Variants in SLC22A5 observed in about 807,000 individuals in gnomAD.
SLC22A5 encodes organic cation/carnitine transporter 2.
In SLC22A5, 44 loss-of-function variants were observed where a neutral mutation model predicts 56.7. The ratio of observed to expected loss-of-function variants is 0.78; its 90% CI spans 0.61 to 1.00. The LOEUF is 1.00. SLC22A5 is among the 50% of genes least tolerant of loss of function. The probability of loss-of-function intolerance (pLI) is 0.00; values close to 1 mark genes in which losing one functional copy is unlikely to be tolerated. For missense variants in SLC22A5, 675 were observed against 723.0 expected (o/e 0.93, Z 0.76); for synonymous variants, 278 against 292.1 (o/e 0.95, Z 0.49).
chr5:132,378,399 G>A lies in SLC22A5; in HGVS notation c.415G>A (p.Asp139Asn), dbSNP rs577131769. 55 of 1,614,184 alleles carry A rather than the reference G, an allele frequency of 3.4e-5. No individual in the cohort carries two copies. In the East Asian group the frequency reaches 8.0e-4, roughly 24 times the overall value. The change falls in exon 2 of 10, where the codon GAC becomes AAC. Residue 139 changes from aspartate (D) to asparagine (N), a missense_variant. Asp to Asn is a conservative substitution (Grantham distance 23). Coordinates refer to ENST00000245407, the MANE Select transcript of SLC22A5 (RefSeq NM_003060.4). ...GCAGTGGAACCTGGTGTGTGAGGAC[G>A]ACTGGAAGGCCCCACTCACAATCTC... The part of the protein sequence containing the change: ...VTEWNLVCED[D>N]WKAPLTISLF...
rs564958389 is a variant in SLC22A5, at chr5:132,395,183, G to T, written c.*911G>T. 5 of 151,412 alleles carry T rather than the reference G, an allele frequency of 3.3e-5. No individual in the cohort carries two copies. The highest frequency in any genetic ancestry group is 7.4e-5 in the Non-Finnish European group (5 of 67,856). The allele number at this position is 151,412 out of a possible 1,614,324, so 9.4% of individuals were successfully genotyped here. A position where few individuals can be genotyped will look rare whatever the true frequency, so the allele number is the denominator to read the frequency against. ...GCCCTTCAGAATGCACTTGGGAAAGGCTGGTTCCTTAGCCTCCTGGTTTGT... is the reference window on the plus strand; with the variant it reads ...GCCCTTCAGAATGCACTTGGGAAAGTCTGGTTCCTTAGCCTCCTGGTTTGT... On this transcript the variant is annotated 3_prime_UTR_variant, in exon 10 of 10. Coordinates refer to ENST00000245407, the MANE Select transcript of SLC22A5 (RefSeq NM_003060.4).
chr5:132,374,771 AAT>A (rs1752075202), intron 1 of SLC22A5, among the ~76,000 whole-genome samples: 1 of 146,660 alleles, frequency 6.8e-6, no homozygotes, highest in African/African-American at 2.5e-5. Flanking sequence ...AAAAAAAAAA[AAT>A]GGCCAGGTGT....
rs1018330141 is a variant in SLC22A5 at position 132,370,359 on chromosome 5, G to C, written c.387G>C (p.Val129=). 6.2e-7 allele frequency: 1 copy of C among 1,612,122 alleles called. No homozygotes were observed. The highest frequency in any genetic ancestry group is 8.5e-7 in the Non-Finnish European group (1 of 1,179,710). Reference sequence around the variant, plus strand: ...AGGACGTCTACCTGTCCACCATTGTGACCGAGGTGGGTGCCGGCCCCTGCT... The same window carrying C: ...AGGACGTCTACCTGTCCACCATTGTCACCGAGGTGGGTGCCGGCCCCTGCT... ...FSQDVYLSTI[V]TEWNLVCEDD... Residue 129 remains valine, a synonymous_variant, in exon 1 of 10, where the codon GTG becomes GTC. Transcript: ENST00000245407.
rs746187344 is a variant in SLC22A5, at chr5:132,390,776, C to T, written c.1139C>T (p.Ala380Val). Reference sequence around the variant, plus strand: ...ATCTTTGTGAACTGCTTCCTTTCAGCGATGGTTGAAGTCCCAGCATATGTG... The same window carrying T: ...ATCTTTGTGAACTGCTTCCTTTCAGTGATGGTTGAAGTCCCAGCATATGTG... ...GDIFVNCFLS[A>V]MVEVPAYVLA... The change falls in exon 7 of 10, where the codon GCG (alanine) becomes GTG (valine). Residue 380 changes from alanine (A) to valine (V), a missense_variant. Ala to Val is a moderately conservative substitution (Grantham distance 64). Transcript: ENST00000245407. 6.8e-6 allele frequency: 11 copies of T among 1,614,080 alleles called. No homozygotes were observed. The highest frequency in any genetic ancestry group is 4.4e-5 in the South Asian group (4 of 91,090).
intron 1 of SLC22A5, among the ~76,000 whole-genome samples, chr5:132,373,424 T>C (rs1752011252): frequency 6.6e-6 from 1 of 152,072 alleles, no homozygotes; most frequent in Admixed American, 6.5e-5. Context: ...TCACTTGAGG[T>C]CGGGAGTTCA....
At chr5:132,377,858 CGGGGGTCATTGG>C in intron 1 of SLC22A5, 1 of 377,648 alleles carries the variant, frequency 2.6e-6, no homozygotes. Context: ...AAAAAGGACC[CGGGGGTCATTGG>C]CCCAGGGTGG....
intron 7 of SLC22A5, 78 bp downstream of exon 7, chr5:132,390,982 GA>G: frequency 8.2e-7 from 1 of 1,215,870 alleles, no homozygotes; most frequent in Non-Finnish European, 1.2e-6. Context: ...AATTAATAAA[GA>G]GAATAAAATC....
chr5:132,378,824 T>A (rs1752244580), intron 2 of SLC22A5: 1 of 368,206 alleles, frequency 2.7e-6, no homozygotes, highest in African/African-American at 2.1e-5. Context: ...GAGGTTGACA[T>A]CATGCACACA....
At chr5:132,374,149 A>G (rs1172361888) in intron 1 of SLC22A5, among the ~76,000 whole-genome samples, 1 of 151,592 alleles carries the variant, frequency 6.6e-6, no homozygotes, top group Non-Finnish European at 1.5e-5. Flanking sequence ...GAACCTGGGA[A>G]GTGGGGGTTG....
chr5:132,387,089 A>G lies in SLC22A5; in HGVS notation c.889A>G (p.Ile297Val), dbSNP rs749545267. The G allele has an allele frequency of 6.2e-7, 1 of 1,614,140 alleles. No individual in the cohort carries two copies. The highest frequency in any genetic ancestry group is 1.1e-5 in the South Asian group (1 of 91,084). Residue 297 changes from isoleucine to valine, a missense_variant, in exon 5 of 10, where the codon ATC (isoleucine) becomes GTC (valine). Transcript: ENST00000245407. ...QGRFEEAEVI[I>V]RKAAKANGIV... ...ACGATTTGAAGAGGCAGAGGTGATC[A>G]TCCGCAAGGCTGCCAAAGCCAATGG...
intron 9 of SLC22A5, among the ~76,000 whole-genome samples, 160 bp from the exon 10 acceptor site, chr5:132,394,025 G>A (rs1752794513): frequency 6.6e-6 from 1 of 152,232 alleles, no homozygotes; most frequent in Non-Finnish European, 1.5e-5. Flanking sequence ...CATCTCCATG[G>A]CAGTAGCCGC....
rs1385566687 is a variant in SLC22A5 at position 132,395,396 on chromosome 5, CA to C, written c.*1125del. 5.2e-5 allele frequency: 8 copies of C among 152,674 alleles called. No individual in the cohort carries two copies. Among genetic ancestry groups the C allele is most frequent in the Admixed American group, 5.2e-4 (8 of 15,272 alleles). The allele number at this position is 152,674 out of a possible 1,614,324, so 9.5% of individuals were successfully genotyped here. A position where few individuals can be genotyped will look rare whatever the true frequency, so the allele number is the denominator to read the frequency against. On this transcript the variant is annotated 3_prime_UTR_variant, in exon 10 of 10. Coordinates refer to ENST00000245407, the MANE Select transcript of SLC22A5 (RefSeq NM_003060.4). ...ACAAAAAAGAAATTTAAATTGTGTT[CA>C]TAGTCTTTCAGAGTAGCTCACTTTA...
Position 132,392,528 on chromosome 5 carries a change from C to G in SLC22A5, c.1363C>G (p.Pro455Ala). The G allele has an allele frequency of 6.2e-7, 1 of 1,614,062 alleles. No homozygotes were observed. The highest frequency in any genetic ancestry group is 8.5e-7 in the Non-Finnish European group (1 of 1,179,956). ...CTACGTGTACACAGCCGAGCTGTAT[C>G]CCACAGTGGTGAGAAACATGGGTGT... The part of the protein sequence containing the change: ...MVYVYTAELY[P>A]TVVRNMGVGV... Residue 455 changes from proline (P) to alanine (A), a missense_variant, in exon 8 of 10, where the codon CCC (proline) becomes GCC (alanine). Coordinates refer to ENST00000245407, the MANE Select transcript of SLC22A5 (RefSeq NM_003060.4).
intron 6 of SLC22A5, 98 bp from the exon 7 acceptor site, chr5:132,390,592 G>A (rs1173252892): frequency 9.2e-6 from 8 of 870,952 alleles, no homozygotes; most frequent in Non-Finnish European, 1.6e-5. Context: ...GCTTAAAGAT[G>A]GTTTGGAATT....
chr5:132,371,774 T>A (rs1008958667), intron 1 of SLC22A5, among the ~76,000 whole-genome samples: 1 of 151,596 alleles, frequency 6.6e-6, no homozygotes, highest in African/African-American at 2.4e-5. Context: ...GACGGCGGAG[T>A]TCACAGAGAG....
intron 2 of SLC22A5, chr5:132,382,857 AT>A (rs1205329860): frequency 1.3e-4 from 20 of 152,310 alleles, no homozygotes; most frequent in African/African-American, 4.6e-4. Context: ...GCCCTCTATA[AT>A]AGATGCTCAA....
At chr5:132,382,648 C>A (rs898887049) in intron 2 of SLC22A5, 1 of 152,200 alleles carries the variant, frequency 6.6e-6, no homozygotes, top group African/African-American at 2.4e-5. Flanking sequence ...ACCCTTACCC[C>A]CAGTCCAGGG....
chr5:132,375,505 C>T (rs1017946094), intron 1 of SLC22A5, among the ~76,000 whole-genome samples: 9 of 152,178 alleles, frequency 5.9e-5, no homozygotes, highest in African/African-American at 2.2e-4. Context: ...CCTGCCAATT[C>T]ACAGGTAAGA....
intron 1 of SLC22A5, chr5:132,377,858 C>G: frequency 2.6e-6 from 1 of 377,646 alleles, no homozygotes; most frequent in South Asian, 3.7e-5. Context: ...AAAAAGGACC[C>G]GGGGGTCATT....
Sources: allele counts gnomAD v4.1 joint callset (sites outside exome capture counted in the v4.1 genomes callset), GRCh38; gene constraint gnomAD v4.1.1; transcripts MANE v1.5; gene names NCBI Gene and HGNC (gene_info 2026-07-23, HGNC 2026-07-21).